The following GNB1L variants were observed in gnomAD, a reference collection of about 807,000 sequenced individuals.
GNB1L encodes the protein guanine nucleotide-binding protein subunit beta-like protein 1.
GNB1L carries 20 observed loss-of-function variants against 29.1 expected under a neutral mutation model. The ratio of observed to expected loss-of-function variants is 0.69; its 90% CI spans 0.48 to 1.00. GNB1L has a LOEUF of 1.00. GNB1L is among the 50% of genes least tolerant of loss of function. GNB1L has a pLI of 0.00. For missense variants in GNB1L, 421 were observed against 464.9 expected (o/e 0.91, Z 0.87); for synonymous variants, 193 against 206.5 (o/e 0.93, Z 0.56).
At position 19,851,888 on chromosome 22, in the gene GNB1L, A is replaced by G. The variant is rs372067308; in HGVS notation, c.-21+2555T>C. The stretch of plus-strand genomic sequence containing the variant: ...CTGATAGTGCTCAAAGTGGAAGGAC[A>G]TGTAATCGCCCAGCTGGGCCAAGAA... On this transcript the variant is annotated intron_variant, in intron 2 of 7. Coordinates refer to ENST00000329517, the MANE Select transcript of GNB1L (RefSeq NM_053004.3). The G allele has an allele frequency of 5.8e-5, 93 of 1,613,946 alleles. 1 individual carries two copies. The highest frequency in any genetic ancestry group is 1.4e-5 in the Non-Finnish European group (17 of 1,180,032).
intron 2 of GNB1L, among the ~76,000 whole-genome samples, chr22:19,821,637 C>A (rs1046096128): frequency 6.6e-6 from 1 of 152,192 alleles, no homozygotes; most frequent in African/African-American, 2.4e-5. Flanking sequence ...ACTGGGAGCC[C>A]CATGGATGCC....
In GNB1L at chr22:19,785,736, T is replaced by G. The variant is rs901509168; in HGVS notation, c.*2973A>C. 2 of 152,268 alleles carry G rather than the reference T, an allele frequency of 1.3e-5. No individual in the cohort carries two copies. Among genetic ancestry groups the G allele is most frequent in the African/African-American group, 4.8e-5 (2 of 41,452 alleles). The allele number at this position is 152,268 out of a possible 1,614,324, so 9.4% of individuals were successfully genotyped here. A position where few individuals can be genotyped will look rare whatever the true frequency, so the allele number is the denominator to read the frequency against. On this transcript the variant is annotated 3_prime_UTR_variant, in exon 8 of 8. Coordinates refer to ENST00000329517, the MANE Select transcript of GNB1L (RefSeq NM_053004.3). This position sits in a 1 kb window ranked among gnomAD's most constrained non-coding sequence, Gnocchi z 4.1. ...CTTAATGCCTTCACTGCTGGCTCTG[T>G]TGGCGTTCCTGCCAGCCTACAGGAA...
chr22:19,792,996 C>T (rs1469898008), intron 7 of GNB1L: 14 of 1,563,028 alleles, frequency 9.0e-6, no homozygotes, highest in East Asian at 6.7e-5. Context: ...TGAGATCCGC[C>T]GTCACTGGGG....
At chr22:19,814,886 A>C (rs895199251) in intron 4 of GNB1L, among the ~76,000 whole-genome samples, 1 of 152,114 alleles carries the variant, frequency 6.6e-6, no homozygotes, top group African/African-American at 2.4e-5. Flanking sequence ...TGTTTTTTAA[A>C]TTAGTCAAGC....
At chr22:19,844,919 G>A (rs973818969) in intron 2 of GNB1L, among the ~76,000 whole-genome samples, 3 of 152,238 alleles carry the variant, frequency 2.0e-5, no homozygotes, top group Non-Finnish European at 1.5e-5. Context: ...GCCAGCTGCC[G>A]ATCCCATCAG....
rs543298236 is a variant in GNB1L at position 19,788,680 on chromosome 22, C to T, written c.*29G>A. 38 of 1,612,358 alleles carry T rather than the reference C, an allele frequency of 2.4e-5. No individual in the cohort carries two copies. The South Asian group carries it at 3.7e-4, about 16-fold the overall frequency. Reference sequence around the variant, plus strand: ...TGATGCCCACCTCCCTGCCCGCCCTCCTCGTCTCCCGGGAAGGGAGTGGGT... The same window carrying T: ...TGATGCCCACCTCCCTGCCCGCCCTTCTCGTCTCCCGGGAAGGGAGTGGGT... On this transcript the variant is annotated 3_prime_UTR_variant, in exon 8 of 8. Coordinates refer to ENST00000329517, the MANE Select transcript of GNB1L (RefSeq NM_053004.3).
rs906448662 is a variant in GNB1L at position 19,848,256 on chromosome 22, G to T, written c.-21+6187C>A. The T allele has an allele frequency of 3.0e-6, 3 of 985,332 alleles. No individual in the cohort carries two copies. In the African/African-American group the frequency reaches 5.2e-5, roughly 17 times the overall value. 61.0% of individuals were successfully genotyped at this position (985,332 alleles called of 1,614,324 possible). On this transcript the variant is annotated intron_variant, in intron 2 of 7. Coordinates refer to ENST00000329517, the MANE Select transcript of GNB1L (RefSeq NM_053004.3). ...AAGGGAAGTGAAGGACTGACACCAT[G>T]ATTAGAAAGCAGAGCCAGCACCATG...
intron 2 of GNB1L, chr22:19,850,340 A>C: frequency 6.1e-6 from 6 of 985,390 alleles, no homozygotes; most frequent in Non-Finnish European, 7.2e-6. Context: ...CAGGAGGGAG[A>C]TCCAAGTCAT....
chr22:19,824,765 CAA>C (rs2145885089), intron 2 of GNB1L, among the ~76,000 whole-genome samples: 1 of 152,356 alleles, frequency 6.6e-6, no homozygotes, highest in East Asian at 1.9e-4. Context: ...GGCAGGCCTG[CAA>C]ATGTCCTGCT....
At chr22:19,813,702 A>G (rs774766017) in intron 4 of GNB1L, among the ~76,000 whole-genome samples, 21 of 152,072 alleles carry the variant, frequency 1.4e-4, no homozygotes, top group Non-Finnish European at 1.0e-4. Flanking sequence ...AATAAATAAA[A>G]ATAAAATAAA....
At chr22:19,846,755 G>C (rs755811664) in intron 2 of GNB1L, 1 of 370,080 alleles carries the variant, frequency 2.7e-6, no homozygotes. Flanking sequence ...ACAGGGACAC[G>C]GCAAGAAGAT....
rs567087936 is a variant in GNB1L, at chr22:19,840,097, T to C, written c.-21+14346A>G. Among the ~76,000 whole-genome samples, 22 of 151,904 alleles carry C rather than the reference T, an allele frequency of 1.4e-4. No homozygotes were observed. In the South Asian group the frequency reaches 4.4e-3, roughly 30 times the overall value. ...AAAAAGTATACTATGATAAAAGTTATGTGAATGTGGTCTCTCTCTTACAAT... is the reference window on the plus strand; with the variant it reads ...AAAAAGTATACTATGATAAAAGTTACGTGAATGTGGTCTCTCTCTTACAAT... On this transcript the variant is annotated intron_variant, in intron 2 of 7. Transcript: ENST00000329517.
rs1009320072 is a variant in GNB1L at position 19,847,265 on chromosome 22, T to C, written c.-21+7178A>G. On this transcript the variant is annotated intron_variant, in intron 2 of 7. Coordinates refer to ENST00000329517, the MANE Select transcript of GNB1L (RefSeq NM_053004.3). The stretch of plus-strand genomic sequence containing the variant: ...AGCAAGAAATAAGCAGTGCCAACTG[T>C]AGCCGCTGCGCTGTTGGAGATCTTT... 2.9e-5 allele frequency: 29 copies of C among 984,912 alleles called. No individual in the cohort carries two copies. The African/African-American group carries it at 4.5e-4, about 15-fold the overall frequency. 61.0% of individuals were successfully genotyped at this position (984,912 alleles called of 1,614,324 possible).
chr22:19,811,910 G>A (rs1411110029), intron 5 of GNB1L, among the ~76,000 whole-genome samples: 3 of 151,986 alleles, frequency 2.0e-5, no homozygotes, highest in Admixed American at 6.5e-5. Flanking sequence ...TCCCACTTGG[G>A]TCTAAGGTCC....
chr22:19,801,217 T>C (rs1189732620), intron 7 of GNB1L, among the ~76,000 whole-genome samples: 9 of 152,184 alleles, frequency 5.9e-5, no homozygotes, highest in Non-Finnish European at 8.8e-5. Flanking sequence ...GCTATGGGTC[T>C]CAGGCTTCCA....
At chr22:19,847,706 T>C (rs1937993217) in intron 2 of GNB1L, 8 of 983,818 alleles carry the variant, frequency 8.1e-6, no homozygotes, top group Non-Finnish European at 9.6e-6. Context: ...GGTCAAATTA[T>C]ATTATTGTGT....
At chr22:19,814,043 G>C (rs999777959) in intron 4 of GNB1L, among the ~76,000 whole-genome samples, 1 of 152,138 alleles carries the variant, frequency 6.6e-6, no homozygotes, top group African/African-American at 2.4e-5. Context: ...TCTGAAGCTG[G>C]AACAATCTGA....
At chr22:19,821,492 G>A (rs138428345) in intron 2 of GNB1L, 117 bp from the exon 3 acceptor site, 3 of 1,029,186 alleles carry the variant, frequency 2.9e-6, no homozygotes, top group Non-Finnish European at 4.3e-6. Context: ...CTGGCCCTGT[G>A]CCCCTCCTGG....
intron 5 of GNB1L, 23 bp downstream of exon 5, chr22:19,812,262 G>A (rs746327493): frequency 1.2e-6 from 2 of 1,607,700 alleles, no homozygotes; most frequent in Non-Finnish European, 1.7e-6. Flanking sequence ...AGAACATGGG[G>A]CCTCAGGCAG....
Sources: allele counts gnomAD v4.1 joint callset (sites outside exome capture counted in the v4.1 genomes callset), GRCh38; gene constraint gnomAD v4.1.1; non-coding constraint Gnocchi (gnomAD v3.1); transcripts MANE v1.5; gene names NCBI Gene and HGNC (gene_info 2026-07-23, HGNC 2026-07-21).